NEBL: variants seen among roughly 807,000 people sequenced by gnomAD.
NEBL encodes the protein nebulette, also known as LIM and SH3 protein 2.
In NEBL, 122 loss-of-function variants were observed where a neutral mutation model predicts 140.2. That is an observed-to-expected ratio of 0.87 (90% confidence interval 0.75 to 1.01). NEBL has a LOEUF of 1.01. Among genes scored for constraint, NEBL ranks in the 50% least tolerant of loss-of-function variants. NEBL has a pLI of 0.00. For missense variants in NEBL, 1,365 were observed against 1,231.3 expected (o/e 1.11, Z -1.62); for synonymous variants, 436 against 398.9 (o/e 1.09, Z -1.11).
chr10:20,843,212 A>G (rs1841558514), intron 12 of NEBL, among the ~76,000 whole-genome samples: 1 of 152,036 alleles, frequency 6.6e-6, no homozygotes, highest in African/African-American at 2.4e-5. Flanking sequence ...CACAGTACAA[A>G]GGTGTCTGCA....
intron 3 of NEBL, among the ~76,000 whole-genome samples, chr10:21,004,160 A>G (rs1838022526): frequency 6.6e-6 from 1 of 152,214 alleles, no homozygotes; most frequent in African/African-American, 2.4e-5. Flanking sequence ...TAACTGACCT[A>G]CATTGATTCC....
intron 4 of NEBL, among the ~76,000 whole-genome samples, chr10:20,934,122 A>G (rs1834348387): frequency 6.6e-6 from 1 of 152,172 alleles, no homozygotes; most frequent in Non-Finnish European, 1.5e-5. Context: ...CCTGCTTCAG[A>G]CTGGACTTTA....
chr10:20,920,824 TAGCTGAAATAAATGGAACTAATTATACTA>T (rs1361503617), intron 4 of NEBL, among the ~76,000 whole-genome samples: 16 of 152,272 alleles, frequency 1.1e-4, no homozygotes, highest in African/African-American at 3.4e-4. Context: ...AAATGGTACA[TAGCTGAAATAAATGGAACTAATTATACTA>T]AGCTGAAATA....
intron 2 of NEBL, among the ~76,000 whole-genome samples, chr10:21,039,021 T>C (rs1834134339): frequency 6.6e-6 from 1 of 151,266 alleles, no homozygotes; most frequent in African/African-American, 2.4e-5. Flanking sequence ...TTTTAAGAAG[T>C]GTTCTGTTCA....
At chr10:21,091,931 T>A (rs1364423765) in intron 2 of NEBL, among the ~76,000 whole-genome samples, 2 of 152,266 alleles carry the variant, frequency 1.3e-5, no homozygotes, top group Non-Finnish European at 2.9e-5. Context: ...CACGCCCACC[T>A]TGTCACTTTC....
chr10:21,238,640 G>A (rs1393261639), intron 3 of NEBL, among the ~76,000 whole-genome samples: 1 of 151,370 alleles, frequency 6.6e-6, no homozygotes, highest in Non-Finnish European at 1.5e-5. Flanking sequence ...AACCTGGGAG[G>A]CGGAGGTTGC....
intron 2 of NEBL, among the ~76,000 whole-genome samples, chr10:21,039,060 GTTTTTTTTTTTT>G (rs57149647): frequency 2.0e-5 from 2 of 99,422 alleles, no homozygotes; most frequent in Non-Finnish European, 1.9e-5. Flanking sequence ...TGATGGGGCT[GTTTTTTTTTTTT>G]TTTTTTTTTT....
Position 21,100,512 on chromosome 10 carries a change from G to A in NEBL, c.164+71871C>T, listed in dbSNP as rs117394109. On this transcript the variant is annotated intron_variant, in intron 2 of 6. Coordinates refer to the NEBL transcript ENST00000417816. ...AAAGCATGGCTCTGAGGATGAGGCC[G>A]TCCAGTTTCCCGTGAACCCTGGGGG... Among the ~76,000 whole-genome samples the A allele has an allele frequency of 1.7e-3, 254 of 152,284 alleles. 5 individuals are homozygous for A. The East Asian group carries it at 0.041, about 25-fold the overall frequency.
upstream of NEBL, chr10:21,174,697 G>C (rs1841256035): frequency 6.6e-6 from 1 of 152,216 alleles, no homozygotes; most frequent in African/African-American, 2.4e-5. Context: ...CTGCGTCCCA[G>C]AGGGGCCGAG....
Position 20,814,444 on chromosome 10 carries a change from T to A in NEBL, c.2242-401A>T, listed in dbSNP as rs1387831608. Among the ~76,000 whole-genome samples, 10 of 147,250 alleles carry A rather than the reference T, an allele frequency of 6.8e-5. No homozygotes were observed. In the South Asian group the frequency reaches 1.7e-3, roughly 25 times the overall value. On this transcript the variant is annotated intron_variant, in intron 22 of 27. Transcript: ENST00000377122. Reference sequence around the variant, plus strand: ...AACCCCCCATCTCTACAGGTAAAAATTAAAAAAAAAAAAAAATTAGTTGGG... The same window carrying A: ...AACCCCCCATCTCTACAGGTAAAAAATAAAAAAAAAAAAAAATTAGTTGGG...
chr10:21,113,090 G>A (rs1376331726), intron 2 of NEBL: 3 of 236,812 alleles, frequency 1.3e-5, no homozygotes, highest in Non-Finnish European at 2.4e-5. Flanking sequence ...AGGAGAATAA[G>A]AATAAGAAGA....
At chr10:21,067,839 G>C (rs1269581532) in intron 2 of NEBL, among the ~76,000 whole-genome samples, 8 of 151,904 alleles carry the variant, frequency 5.3e-5, no homozygotes, top group African/African-American at 1.9e-4. Flanking sequence ...ACATCAGCTG[G>C]GCATGGTGGC....
At chr10:21,023,846 AC>A (rs1301489665) in intron 2 of NEBL, among the ~76,000 whole-genome samples, 1 of 152,166 alleles carries the variant, frequency 6.6e-6, no homozygotes, top group Non-Finnish European at 1.5e-5. Context: ...TCCATGCAAG[AC>A]AAAAATGAAT....
At chr10:21,213,576 T>C (rs753443212) in intron 3 of NEBL, among the ~76,000 whole-genome samples, 1 of 152,110 alleles carries the variant, frequency 6.6e-6, no homozygotes, top group African/African-American at 2.4e-5. Flanking sequence ...AGCCAGGAAG[T>C]GTTAATGAGG....
intron 2 of NEBL, among the ~76,000 whole-genome samples, chr10:21,138,767 A>G (rs953589879): frequency 6.6e-6 from 1 of 151,954 alleles, no homozygotes; most frequent in Non-Finnish European, 1.5e-5. Flanking sequence ...TTTGAACTCA[A>G]GTGCAGCTGA....
intron 4 of NEBL, among the ~76,000 whole-genome samples, chr10:20,922,660 T>A (rs1833651558): frequency 1.3e-5 from 2 of 152,202 alleles, no homozygotes; most frequent in Admixed American, 1.3e-4. Flanking sequence ...GGATAACTTA[T>A]AAATATAGGC....
chr10:20,955,128 G>T (rs941942468), intron 4 of NEBL, among the ~76,000 whole-genome samples: 24 of 152,222 alleles, frequency 1.6e-4, no homozygotes, highest in Non-Finnish European at 3.2e-4. Context: ...CTATCAAGGG[G>T]TAGGGAGGGC....
Position 20,889,889 on chromosome 10 carries a change from G to C in NEBL, c.214C>G (p.Pro72Ala). ...ATATTTTTTACATGGTTTAGCATAG[G>C]ACTGTCAGTCACAAATGTACACTTA... ...KDKCTFVTDS[P>A]MLNHVKNIGA... Residue 72 changes from proline to alanine, a missense_variant, in exon 3 of 28, where the codon CCT becomes GCT. Physicochemically the swap from Pro to Ala is conservative, Grantham distance 27. This residue lies in a region of NEBL where 1,323 missense variants were observed against 1,154.8 expected (regional missense o/e 1.15). Transcript: ENST00000377122. 1 of 1,613,018 alleles carries C rather than the reference G, an allele frequency of 6.2e-7. No individual in the cohort carries two copies. Among genetic ancestry groups the C allele is most frequent in the Non-Finnish European group, 8.5e-7 (1 of 1,179,214 alleles).
intron 1 of NEBL, among the ~76,000 whole-genome samples, chr10:21,253,040 T>C (rs933826279): frequency 6.6e-6 from 1 of 152,038 alleles, no homozygotes; most frequent in Non-Finnish European, 1.5e-5. Context: ...GGAGGGTGGA[T>C]CACCTGAGCG....
Sources: gnomAD v4.1 joint callset for allele counts (sites outside exome capture counted in the v4.1 genomes callset) on GRCh38, gnomAD v4.1.1 for gene constraint, gnomAD v4.1.1 regional missense constraint, MANE v1.5 for transcripts, NCBI Gene and HGNC (gene_info 2026-07-23, HGNC 2026-07-21) for gene names.